CFAP299: variants seen among roughly 807,000 people sequenced by gnomAD.
CFAP299 encodes cilia- and flagella-associated protein 299.
In CFAP299, 21 loss-of-function variants were observed where a neutral mutation model predicts 27.0. The ratio of observed to expected loss-of-function variants is 0.78; its 90% CI spans 0.55 to 1.12. The LOEUF (loss-of-function observed/expected upper bound fraction) is 1.12. CFAP299 is among the 50% of genes most tolerant of loss of function. The pLI is 0.00. For synonymous variants in CFAP299, 104 were observed against 98.1 expected (o/e 1.06, Z -0.36); for missense variants, 310 against 276.6 (o/e 1.12, Z -0.86).
intron 3 of CFAP299, among the ~76,000 whole-genome samples, chr4:80,658,563 T>A (rs1194553152): frequency 6.6e-6 from 1 of 152,166 alleles, no homozygotes; most frequent in Non-Finnish European, 1.5e-5. Flanking sequence ...TTACCAGCCT[T>A]GCATCATTGA....
chr4:80,323,483 C>G, the CFAP299 span, among the ~76,000 whole-genome samples: 4 of 152,062 alleles, frequency 2.6e-5, no homozygotes, highest in Non-Finnish European at 5.9e-5. Context: ...TGAATATTAG[C>G]TTTTCAAAAA....
chr4:80,387,458 G>T, intron 2 of CFAP299: 1 of 830,910 alleles, frequency 1.2e-6, no homozygotes, highest in Non-Finnish European at 2.1e-6. Context: ...TACCTGCTTG[G>T]GTTTCCGGCT....
At chr4:80,587,030 A>C (rs868813756) in intron 3 of CFAP299, among the ~76,000 whole-genome samples, 1 of 152,316 alleles carries the variant, frequency 6.6e-6, no homozygotes. Flanking sequence ...CCTGTGTTGA[A>C]ATCTCTATGA....
Position 80,725,057 on chromosome 4 carries a change from G to A in CFAP299, c.333+141874G>A, listed in dbSNP as rs550360900. 3.0e-4 allele frequency among the ~76,000 whole-genome samples: 45 copies of A among 149,438 alleles called. 2 individuals are homozygous for A. In the East Asian group the frequency reaches 5.9e-3, roughly 20 times the overall value. ...CCTCCCAGGTTCAGGCGATTGTCCT[G>A]CCTCAGCCTCCTGAGTAGCTGGGAC... On this transcript the variant is annotated intron_variant, in intron 3 of 5. Coordinates refer to ENST00000358105, the MANE Select transcript of CFAP299 (RefSeq NM_152770.3).
intron 3 of CFAP299, among the ~76,000 whole-genome samples, chr4:80,630,138 A>G (rs982794270): frequency 2.0e-5 from 3 of 152,182 alleles, no homozygotes; most frequent in African/African-American, 7.2e-5. Context: ...CGGGATAATG[A>G]GATTGAAAGG....
intron 2 of CFAP299, among the ~76,000 whole-genome samples, chr4:80,433,245 C>T (rs1727910985): frequency 6.6e-6 from 1 of 152,108 alleles, no homozygotes; most frequent in African/African-American, 2.4e-5. Flanking sequence ...TGGAGGTACC[C>T]TGTACTTGAG....
intron 3 of CFAP299, among the ~76,000 whole-genome samples, chr4:80,784,882 CTTAATCAGGTTATTTGT>C (rs1349116663): frequency 6.6e-6 from 1 of 152,086 alleles, no homozygotes; most frequent in Non-Finnish European, 1.5e-5. Context: ...TTGCCCATTA[CTTAATCAGGTTATTTGT>C]TTTTTTCCTA....
intron 3 of CFAP299, among the ~76,000 whole-genome samples, chr4:80,778,975 TA>T (rs1372128224): frequency 6.6e-6 from 1 of 152,096 alleles, no homozygotes; most frequent in East Asian, 1.9e-4. Context: ...TAAACTATTG[TA>T]AAATAATAGC....
intron 4 of CFAP299, among the ~76,000 whole-genome samples, chr4:80,917,565 A>G (rs894641944): frequency 6.6e-6 from 1 of 152,160 alleles, no homozygotes; most frequent in African/African-American, 2.4e-5. Context: ...ACTCCAGTCC[A>G]TATTCTTTAC....
intron 3 of CFAP299, among the ~76,000 whole-genome samples, chr4:80,644,004 G>A (rs1346126053): frequency 6.6e-6 from 1 of 152,136 alleles, no homozygotes. Context: ...TACCTCTAAT[G>A]TCTATCAATA....
intron 1 of CFAP299, among the ~76,000 whole-genome samples, chr4:80,351,041 A>G (rs1722991643): frequency 1.3e-5 from 2 of 152,206 alleles, no homozygotes; most frequent in Admixed American, 1.3e-4. Context: ...GTCAACCTAG[A>G]ACACTGTATC....
At chr4:80,715,981 T>C (rs1251023475) in intron 3 of CFAP299, among the ~76,000 whole-genome samples, 1 of 152,070 alleles carries the variant, frequency 6.6e-6, no homozygotes, top group Non-Finnish European at 1.5e-5. Flanking sequence ...GTTATTTTTC[T>C]GGGAATCCAA....
At chr4:80,652,160 T>C (rs1321128833) in intron 3 of CFAP299, among the ~76,000 whole-genome samples, 1 of 152,122 alleles carries the variant, frequency 6.6e-6, no homozygotes, top group African/African-American at 2.4e-5. Flanking sequence ...CTGCACATTT[T>C]AGATGATGAA....
In CFAP299 at chr4:80,634,158, A is replaced by G. The variant is rs527510335; in HGVS notation, c.333+50975A>G. The stretch of plus-strand genomic sequence containing the variant: ...CCACCACGCCCAGCTAATTTTTTGT[A>G]TTTTTAGTAGAGATGGGGTTTCACC... On this transcript the variant is annotated intron_variant, in intron 3 of 5. Coordinates refer to ENST00000358105, the MANE Select transcript of CFAP299 (RefSeq NM_152770.3). Among the ~76,000 whole-genome samples, 233 of 151,706 alleles carry G rather than the reference A, an allele frequency of 1.5e-3. 3 individuals are homozygous for G. Among genetic ancestry groups the G allele is most frequent in the African/African-American group, 5.3e-3 (221 of 41,328 alleles).
chr4:80,392,813 C>A (rs963226809), intron 2 of CFAP299, among the ~76,000 whole-genome samples: 1 of 151,958 alleles, frequency 6.6e-6, no homozygotes, highest in African/African-American at 2.4e-5. Context: ...GTACATACTA[C>A]TTGATAATAT....
At chr4:80,335,682 CT>C, upstream of CFAP299, 1 of 813,084 alleles carries the variant, frequency 1.2e-6, no homozygotes, top group South Asian at 1.4e-5. Flanking sequence ...CCGGCTTCAA[CT>C]GATTGGCAGG....
intron 4 of CFAP299, among the ~76,000 whole-genome samples, chr4:80,901,561 C>T (rs1734898989): frequency 6.6e-6 from 1 of 152,056 alleles, no homozygotes; most frequent in Non-Finnish European, 1.5e-5. Context: ...TAGGAATTGC[C>T]ACAGGTGTAT....
chr4:80,447,823 C>G lies in CFAP299; in HGVS notation c.242+84939C>G, dbSNP rs187660907. Among the ~76,000 whole-genome samples, 345 of 152,286 alleles carry G rather than the reference C, an allele frequency of 2.3e-3. 2 individuals are homozygous for G. The highest frequency in any genetic ancestry group is 3.8e-3 in the Non-Finnish European group (259 of 68,022). On this transcript the variant is annotated intron_variant, in intron 2 of 5. Transcript: ENST00000358105. ...ATAATCCTCCCACCCCATCCCCATC[C>G]CCGCTTTTCTAGTCAGTTTTCTATA...
intron 4 of CFAP299, among the ~76,000 whole-genome samples, chr4:80,888,761 T>C (rs1446821985): frequency 2.0e-5 from 3 of 151,866 alleles, no homozygotes; most frequent in African/African-American, 7.2e-5. Flanking sequence ...ATTGAAACAA[T>C]ATCAAACATG....
Sources: allele counts gnomAD v4.1 joint callset (sites outside exome capture counted in the v4.1 genomes callset), GRCh38; gene constraint gnomAD v4.1.1; transcripts MANE v1.5; gene names NCBI Gene and HGNC (gene_info 2026-07-23, HGNC 2026-07-21).